ZBTB10: variants seen among roughly 807,000 people sequenced by gnomAD.
ZBTB10 encodes the protein zinc finger and BTB domain containing 10.
In ZBTB10, 32 loss-of-function variants were observed where a neutral mutation model predicts 76.4. The ratio of observed to expected loss-of-function variants is 0.42; its 90% CI spans 0.32 to 0.56. ZBTB10 has a LOEUF of 0.56. Ranked by LOEUF, ZBTB10 falls within the 20% of genes least tolerant of loss-of-function variation. The pLI is 0.14. For missense variants in ZBTB10, 1,057 were observed against 1,098.5 expected, an observed-to-expected ratio of 0.96 and a Z score of 0.53; for synonymous variants, 523 against 432.9, an observed-to-expected ratio of 1.21 and a Z score of -2.58.
At chr8:80,517,792 A>G (rs1452324881) in intron 3 of ZBTB10, among the ~76,000 whole-genome samples, 2 of 150,610 alleles carry the variant, frequency 1.3e-5, no homozygotes, top group Non-Finnish European at 2.9e-5. Context: ...GTTTGAATAT[A>G]CCCATCCTTT....
chr8:80,519,193 TTA>T (rs778098114), intron 5 of ZBTB10, 28 bp from the exon 6 acceptor site: 19 of 1,598,032 alleles, frequency 1.2e-5, no homozygotes, highest in Non-Finnish European at 1.5e-5. Flanking sequence ...TATAATATCC[TTA>T]TATTGGATTT....
chr8:80,492,438 G>A (rs948007690), intron 1 of ZBTB10, among the ~76,000 whole-genome samples: 3 of 152,032 alleles, frequency 2.0e-5, no homozygotes, highest in African/African-American at 7.2e-5. Context: ...ACCGAAAAAA[G>A]ACACAGATAA....
At position 80,486,637 on chromosome 8, in the gene ZBTB10, C is replaced by G; in HGVS notation, c.-174C>G. ...AGCGGCAGCGGACGCGTGCAGCAGA[C>G]CCGGGAGCGAGCGCGAGCCGGGCTG... On this transcript the variant is annotated 5_prime_UTR_variant, in exon 1 of 6. Transcript: ENST00000455036. 2 of 988,168 alleles carry G rather than the reference C, an allele frequency of 2.0e-6. No homozygotes were observed. Among genetic ancestry groups the G allele is most frequent in the Non-Finnish European group, 2.4e-6 (2 of 832,010 alleles). 61.2% of individuals were successfully genotyped at this position (988,168 alleles called of 1,614,324 possible).
chr8:80,513,933 G>C lies in ZBTB10; in HGVS notation c.1885G>C (p.Gly629Arg), dbSNP rs1429057375. 2.5e-6 allele frequency: 4 copies of C among 1,613,470 alleles called. No homozygotes were observed. The highest frequency in any genetic ancestry group is 3.4e-6 in the Non-Finnish European group (4 of 1,179,618). Residue 629 changes from glycine (G) to arginine (R), a missense_variant, in exon 3 of 6, where the codon GGG (glycine) becomes CGG (arginine). By Grantham distance (125) the Gly-to-Arg change is moderately radical. Around this residue, in one of 5 missense-constraint regions of ZBTB10, gnomAD observed 306 missense variants for 297.5 expected, o/e 1.03. Coordinates refer to ENST00000455036, the MANE Select transcript of ZBTB10 (RefSeq NM_001105539.3). ...EPDLDGALLS[G>R]PDGDRNVNAN... ...AGATTTAGATGGTGCTCTACTCTCG[G>C]GGCCAGATGGTGATAGGAATGTGAA...
At chr8:80,512,019 C>T (rs1240605257) in intron 2 of ZBTB10, among the ~76,000 whole-genome samples, 2 of 152,016 alleles carry the variant, frequency 1.3e-5, no homozygotes, top group African/African-American at 2.4e-5. Context: ...ACAGTATCCC[C>T]GTTCTTAAGG....
intron 1 of ZBTB10, 92 bp downstream of exon 1, chr8:80,487,874 C>A: frequency 7.2e-7 from 1 of 1,394,314 alleles, no homozygotes. Context: ...GAAAAAAAAC[C>A]TCAAAACCAT....
Position 80,499,969 on chromosome 8 carries a change from A to G in ZBTB10, c.1448A>G (p.Lys483Arg). The G allele has an allele frequency of 6.2e-7, 1 of 1,613,974 alleles. No individual in the cohort carries two copies. Among genetic ancestry groups the G allele is most frequent in the Non-Finnish European group, 8.5e-7 (1 of 1,179,874 alleles). The change falls in exon 2 of 6, where the codon AAA becomes AGA. Residue 483 changes from lysine (K) to arginine (R), a missense_variant. Lys to Arg is a conservative substitution (Grantham distance 26, BLOSUM62 2). Around this residue, in one of 5 missense-constraint regions of ZBTB10, gnomAD observed 306 missense variants for 297.5 expected, o/e 1.03. Coordinates refer to ENST00000455036, the MANE Select transcript of ZBTB10 (RefSeq NM_001105539.3). ...ESVVVDYNNR[K>R]PVNRDGLSSS... ...GTAGTTGTGGACTATAATAATAGAA[A>G]ACCAGTTAATAGAGATGGTCTGTCT... is the stretch of plus-strand genomic sequence containing the variant.
At chr8:80,489,191 T>A (rs1815560899) in intron 1 of ZBTB10, among the ~76,000 whole-genome samples, 1 of 152,178 alleles carries the variant, frequency 6.6e-6, no homozygotes, top group Middle Eastern at 3.4e-3. Context: ...TGGGTTCAGA[T>A]CTCAGCTTTC....
chr8:80,505,641 A>G (rs578173820), intron 2 of ZBTB10, among the ~76,000 whole-genome samples: 1 of 152,196 alleles, frequency 6.6e-6, no homozygotes, highest in Non-Finnish European at 1.5e-5. Flanking sequence ...TTATTTGTGT[A>G]ATTGCTTTTT....
At chr8:80,489,998 T>C (rs867591333) in intron 1 of ZBTB10, among the ~76,000 whole-genome samples, 1 of 152,220 alleles carries the variant, frequency 6.6e-6, no homozygotes, top group Non-Finnish European at 1.5e-5. Context: ...ATGAGTAACA[T>C]GAGTAACAGG....
chr8:80,515,354 C>A (rs1028014794), intron 3 of ZBTB10, among the ~76,000 whole-genome samples: 2 of 152,102 alleles, frequency 1.3e-5, no homozygotes, highest in African/African-American at 4.8e-5. Flanking sequence ...CAGTGAGGTA[C>A]TTGTTACTAA....
chr8:80,493,699 G>A (rs191014857), intron 1 of ZBTB10, among the ~76,000 whole-genome samples: 124 of 150,980 alleles, frequency 8.2e-4, no homozygotes, highest in African/African-American at 2.7e-3. Context: ...GCGTGGTGGC[G>A]CATGCCTGTA....
upstream of ZBTB10, chr8:80,486,218 C>T (rs1017366657): frequency 1.9e-6 from 2 of 1,071,914 alleles, no homozygotes; most frequent in Admixed American, 5.7e-5. Context: ...GCGCACGGTC[C>T]GTTGTTCATT....
chr8:80,501,501 T>TA (rs1316581925), intron 2 of ZBTB10, among the ~76,000 whole-genome samples: 2 of 152,232 alleles, frequency 1.3e-5, no homozygotes, highest in Non-Finnish European at 2.9e-5. Context: ...CAAAGCACTG[T>TA]AACTGTTCAG....
At chr8:80,496,816 C>T (rs577201762) in intron 1 of ZBTB10, among the ~76,000 whole-genome samples, 1 of 152,290 alleles carries the variant, frequency 6.6e-6, no homozygotes, top group South Asian at 2.1e-4. Context: ...ACAAACAGTT[C>T]ATAGATATAT....
Position 80,499,964 on chromosome 8 carries a change from T to C in ZBTB10, c.1443T>C (p.Asn481=), listed in dbSNP as rs1815879133. 3 of 1,613,910 alleles carry C rather than the reference T, an allele frequency of 1.9e-6. No individual in the cohort carries two copies. Among genetic ancestry groups the C allele is most frequent in the Non-Finnish European group, 2.5e-6 (3 of 1,179,860 alleles). Residue 481 remains asparagine, a synonymous_variant, in exon 2 of 6, where the codon AAT becomes AAC. Transcript: ENST00000455036. ...AGTCTGTAGTTGTGGACTATAATAA[T>C]AGAAAACCAGTTAATAGAGATGGTC... The part of the protein sequence containing the change: ...APESVVVDYN[N]RKPVNRDGLS...
intron 3 of ZBTB10, among the ~76,000 whole-genome samples, chr8:80,515,410 A>C (rs1434778498): frequency 6.6e-6 from 1 of 152,166 alleles, no homozygotes; most frequent in African/African-American, 2.4e-5. Context: ...CCAAAATAAA[A>C]CCACATTTCT....
chr8:80,504,176 C>T (rs1355470793), intron 2 of ZBTB10, among the ~76,000 whole-genome samples: 1 of 152,010 alleles, frequency 6.6e-6, no homozygotes, highest in Non-Finnish European at 1.5e-5. Flanking sequence ...TTTATGATCC[C>T]CTTCATCATT....
chr8:80,507,662 G>T (rs1222084404), intron 2 of ZBTB10, among the ~76,000 whole-genome samples: 1 of 152,054 alleles, frequency 6.6e-6, no homozygotes. Context: ...AGTGATCATA[G>T]CTCACTGCAG....
Sources: allele counts gnomAD v4.1 joint callset (sites outside exome capture counted in the v4.1 genomes callset), GRCh38; gene constraint gnomAD v4.1.1; regional missense constraint gnomAD v4.1.1; transcripts MANE v1.5; gene names NCBI Gene and HGNC (gene_info 2026-07-23, HGNC 2026-07-21).